The following VIPR1 variants were observed in gnomAD, a reference collection of about 807,000 sequenced individuals.
The protein encoded by VIPR1 is vasoactive intestinal polypeptide receptor 1.
Under a neutral mutation model 58.8 loss-of-function variants are expected in VIPR1, and 59 were observed. The observed-to-expected ratio is 1.00, with a 90% CI of 0.81 to 1.25. The LOEUF (loss-of-function observed/expected upper bound fraction) is 1.25, where lower values mean the gene tolerates loss of function less well. VIPR1 is among the 50% of genes most tolerant of loss of function. The pLI is 0.00. For synonymous variants in VIPR1, 251 were observed against 242.1 expected (o/e 1.04, Z -0.34); for missense variants, 626 against 602.7 (o/e 1.04, Z -0.40).
chr3:42,534,255 G>T, intron 10 of VIPR1: 1 of 152,288 alleles, frequency 6.6e-6, no homozygotes, highest in Non-Finnish European at 1.5e-5. Context: ...GATTAATTTT[G>T]GGTTGTCCCT....
rs1387368874 is a variant in VIPR1 at position 42,535,946 on chromosome 3, G to T, written c.1183-144G>T. 12 of 1,040,112 alleles carry T rather than the reference G, an allele frequency of 1.2e-5. No individual in the cohort carries two copies. In the East Asian group the frequency reaches 3.3e-4, roughly 28 times the overall value. 64.4% of individuals were successfully genotyped at this position (1,040,112 alleles called of 1,614,324 possible). ...CTCAACCCAGTCCCAAGTTTGCACC[G>T]CCCGAGGCAGCATAGGGGTCCCTCC... is the stretch of plus-strand genomic sequence containing the variant. On this transcript the variant is annotated intron_variant, in intron 12 of 12. Transcript: ENST00000325123.
chr3:42,533,561 G>A (rs1280510187), intron 10 of VIPR1: 2 of 152,178 alleles, frequency 1.3e-5, no homozygotes, highest in Admixed American at 1.3e-4. Flanking sequence ...GAGGCAAACA[G>A]AGCTGGCCAT....
Position 42,527,869 on chromosome 3 carries a change from G to C in VIPR1, c.504-122G>C, listed in dbSNP as rs958590876. The C allele has an allele frequency of 3.5e-5, 48 of 1,375,194 alleles. No individual in the cohort carries two copies. In the African/African-American group the frequency reaches 6.4e-4, roughly 18 times the overall value. The allele number at this position is 1,375,194 out of a possible 1,614,324, so 85.2% of individuals were successfully genotyped here. On this transcript the variant is annotated intron_variant, in intron 5 of 12. Coordinates refer to ENST00000325123, the MANE Select transcript of VIPR1 (RefSeq NM_004624.4). ...TCAGGATGGGATCCCCTTTGAGGCG[G>C]GGCCTGCCCTCTGGAGGACACATGC...
chr3:42,534,835 C>A, intron 10 of VIPR1, 140 bp from the exon 11 acceptor site: 1 of 1,126,630 alleles, frequency 8.9e-7, no homozygotes, highest in Non-Finnish European at 1.2e-6. Context: ...GCATAATATT[C>A]AGAGGAACCT....
chr3:42,498,360 A>G (rs143885303), upstream of VIPR1, among the ~76,000 whole-genome samples: 13 of 152,262 alleles, frequency 8.5e-5, no homozygotes, highest in East Asian at 2.5e-3. Flanking sequence ...TCGTTATCAA[A>G]TTGGCAAAGA....
chr3:42,490,579 A>C (rs1406092071), intron 1 of VIPR1, among the ~76,000 whole-genome samples: 1 of 152,146 alleles, frequency 6.6e-6, no homozygotes, highest in Non-Finnish European at 1.5e-5. Context: ...AGCAGTACCC[A>C]CTGGGTTGGG....
At chr3:42,503,411 G>A (rs528780489) in intron 1 of VIPR1, among the ~76,000 whole-genome samples, 5 of 152,284 alleles carry the variant, frequency 3.3e-5, no homozygotes, top group African/African-American at 1.2e-4. Context: ...GGGGCTAAGG[G>A]TGGTGGTTAA....
chr3:42,507,507 CAT>C (rs1700169702), intron 1 of VIPR1, among the ~76,000 whole-genome samples: 1 of 152,252 alleles, frequency 6.6e-6, no homozygotes, highest in Non-Finnish European at 1.5e-5. Context: ...ACTAAGGACT[CAT>C]AGCCTTGTGG....
intron 3 of VIPR1, 144 bp downstream of exon 3, chr3:42,519,474 C>T (rs1700804764): frequency 5.2e-6 from 3 of 576,948 alleles, no homozygotes; most frequent in Non-Finnish European, 8.7e-6. Context: ...GGCAATGGTG[C>T]TGGGTCTTTA....
intron 3 of VIPR1, among the ~76,000 whole-genome samples, chr3:42,524,243 C>T (rs1406293082): frequency 6.6e-6 from 1 of 152,222 alleles, no homozygotes. Flanking sequence ...GAAGAGCCTA[C>T]CCTTTGATGA....
Position 42,530,896 on chromosome 3 carries a change from C to CG in VIPR1, c.756dup (p.Lys253GlufsTer29), listed in dbSNP as rs1701505811. The CG allele has an allele frequency of 1.2e-6, 2 of 1,614,060 alleles. No homozygotes were observed. The highest frequency in any genetic ancestry group is 2.7e-5 in the African/African-American group (2 of 75,012). ...GCTTGCCGTCTCCTTCTTCTCTGAG[C>CG]GGAAGTACTTCTGGGGGTACATACT... On this transcript the variant is annotated frameshift_variant, in exon 7 of 13. Transcript: ENST00000325123. LOFTEE classifies it high-confidence loss of function.
upstream of VIPR1, among the ~76,000 whole-genome samples, chr3:42,498,603 G>C (rs1699810568): frequency 6.6e-6 from 1 of 152,158 alleles, no homozygotes; most frequent in African/African-American, 2.4e-5. Flanking sequence ...TTCAGAACTT[G>C]TCCTTGAGCT....
At position 42,502,760 on chromosome 3, in the gene VIPR1, G is replaced by A; in HGVS notation, c.25G>A (p.Ala9Thr). The change falls in exon 1 of 13, where the codon GCC (alanine) becomes ACC (threonine). Residue 9 changes from alanine to threonine, a missense_variant. Transcript: ENST00000325123. The stretch of plus-strand genomic sequence containing the variant: ...CATGCGCCCGCCAAGTCCGCTGCCC[G>A]CCCGCTGGCTATGCGTGCTGGCAGG... MRPPSPLP[A>T]RWLCVLAGAL... 5 of 1,304,500 alleles carry A rather than the reference G, an allele frequency of 3.8e-6. No individual in the cohort carries two copies. Among genetic ancestry groups the A allele is most frequent in the South Asian group, 2.3e-5 (1 of 43,064 alleles). The allele number at this position is 1,304,500 out of a possible 1,614,324, so 80.8% of individuals were successfully genotyped here. A position where few individuals can be genotyped will look rare whatever the true frequency, so the allele number is the denominator to read the frequency against.
chr3:42,524,731 T>A (rs1453119279), intron 3 of VIPR1, among the ~76,000 whole-genome samples: 1 of 152,140 alleles, frequency 6.6e-6, no homozygotes, highest in East Asian at 1.9e-4. Context: ...CAGCTCTTTA[T>A]CTGGTCACCG....
intron 8 of VIPR1, 62 bp from the exon 9 acceptor site, chr3:42,531,741 T>C (rs922807442): frequency 7.0e-5 from 112 of 1,606,578 alleles, no homozygotes; most frequent in Admixed American, 8.3e-5. Context: ...CTGGGGGAGG[T>C]GCTGCTGAGT....
At chr3:42,524,276 G>C (rs188931020) in intron 3 of VIPR1, among the ~76,000 whole-genome samples, 58 of 152,358 alleles carry the variant, frequency 3.8e-4, no homozygotes, top group Middle Eastern at 6.8e-3. Context: ...AAGGCTCTGG[G>C]CCAGGCCCAC....
At chr3:42,531,930 C>A in intron 9 of VIPR1, 61 bp downstream of exon 9, 1 of 1,588,662 alleles carries the variant, frequency 6.3e-7, no homozygotes, top group Non-Finnish European at 8.6e-7. Flanking sequence ...GGCAACTTAG[C>A]CCAAGGTCAC....
intron 6 of VIPR1, chr3:42,528,343 C>T (rs1701351776): frequency 1.6e-6 from 1 of 626,618 alleles, no homozygotes; most frequent in East Asian, 2.8e-5. Context: ...CATCTGGGTG[C>T]TCACAGACCT....
chr3:42,531,885 A>C lies in VIPR1; in HGVS notation c.918+16A>C. 1 of 1,614,042 alleles carries C rather than the reference A, an allele frequency of 6.2e-7. No individual in the cohort carries two copies. The highest frequency in any genetic ancestry group is 8.5e-7 in the Non-Finnish European group (1 of 1,179,944). ...CTCCATCTTGGTAAGATACCCTCCC[A>C]CCACCTAGAGATGGGGAAACAGGCC... On this transcript the variant is annotated intron_variant, in intron 9 of 12. Coordinates refer to ENST00000325123, the MANE Select transcript of VIPR1 (RefSeq NM_004624.4).
Sources: allele counts gnomAD v4.1 joint callset (sites outside exome capture counted in the v4.1 genomes callset), GRCh38; gene constraint gnomAD v4.1.1; transcripts MANE v1.5; gene names NCBI Gene and HGNC (gene_info 2026-07-23, HGNC 2026-07-21).